Variants in ACOXL observed in about 807,000 individuals in gnomAD.
ACOXL encodes acyl-CoA oxidase like.
A neutral mutation model predicts 71.9 loss-of-function variants in ACOXL; 70 were observed. The observed-to-expected ratio is 0.97, with a 90% CI of 0.80 to 1.19. ACOXL has a LOEUF of 1.19. ACOXL is among the 50% of genes most tolerant of loss of function. The pLI is 0.00. For synonymous variants in ACOXL, 253 were observed against 281.6 expected, an observed-to-expected ratio of 0.90 and a Z score of 1.02; for missense variants, 703 against 736.3, an observed-to-expected ratio of 0.95 and a Z score of 0.52.
At chr2:110,886,748 G>A in intron 10 of ACOXL, 4 of 1,550,594 alleles carry the variant, frequency 2.6e-6, no homozygotes, top group Non-Finnish European at 2.6e-6. Flanking sequence ...AACTGAATTT[G>A]TTGCCATCTC....
intron 12 of ACOXL, among the ~76,000 whole-genome samples, chr2:110,985,116 A>G (rs2062871193): frequency 6.6e-6 from 1 of 152,218 alleles, no homozygotes; most frequent in Non-Finnish European, 1.5e-5. Context: ...ATTAGCAAAA[A>G]CAAAGTTAAA....
chr2:110,886,359 C>A (rs1260468551), intron 10 of ACOXL, among the ~76,000 whole-genome samples: 3 of 149,632 alleles, frequency 2.0e-5, no homozygotes, highest in Non-Finnish European at 4.4e-5. Context: ...GGACTCTGGA[C>A]TTTACCCTAT....
chr2:111,045,438 T>G (rs2065967405), intron 15 of ACOXL, among the ~76,000 whole-genome samples: 1 of 152,112 alleles, frequency 6.6e-6, no homozygotes, highest in Admixed American at 6.6e-5. Context: ...TCTCATGAGA[T>G]CTGATGGTTT....
At chr2:110,977,396 G>GAA (rs11429470) in intron 12 of ACOXL, among the ~76,000 whole-genome samples, 1 of 149,738 alleles carries the variant, frequency 6.7e-6, no homozygotes, top group African/African-American at 2.5e-5. Context: ...AAAAAAAAAA[G>GAA]AAAAAACACA....
At chr2:110,820,556 G>C (rs191219076) in intron 9 of ACOXL, among the ~76,000 whole-genome samples, 1 of 151,952 alleles carries the variant, frequency 6.6e-6, no homozygotes, top group Non-Finnish European at 1.5e-5. Flanking sequence ...AGGAGAGGGA[G>C]TGGGGGTGGG....
intron 10 of ACOXL, among the ~76,000 whole-genome samples, chr2:110,875,092 G>T (rs542382712): frequency 6.6e-6 from 1 of 152,264 alleles, no homozygotes; most frequent in South Asian, 2.1e-4. Flanking sequence ...CCTCTGAGCC[G>T]GTCCCTTGTC....
intron 1 of ACOXL, among the ~76,000 whole-genome samples, chr2:110,754,302 G>A (rs1679388799): frequency 6.6e-6 from 1 of 151,950 alleles, no homozygotes; most frequent in Admixed American, 6.6e-5. Flanking sequence ...GAACTCCCAG[G>A]CTCAAGCAAT....
chr2:110,967,912 A>G, intron 12 of ACOXL: 1 of 1,046,374 alleles, frequency 9.6e-7, no homozygotes, highest in South Asian at 1.3e-5. Context: ...ACAAGAGGGT[A>G]AAACTGGTTA....
At chr2:111,050,171 C>T (rs1257153431) in intron 16 of ACOXL, among the ~76,000 whole-genome samples, 3 of 151,874 alleles carry the variant, frequency 2.0e-5, no homozygotes, top group Non-Finnish European at 4.4e-5. Context: ...TACCAGGTGT[C>T]CTCTGACTTT....
chr2:111,082,877 C>A (rs1237528784), intron 16 of ACOXL, among the ~76,000 whole-genome samples: 1 of 152,146 alleles, frequency 6.6e-6, no homozygotes, highest in Admixed American at 6.5e-5. Flanking sequence ...AGTTAATGAA[C>A]TTTTCAGGGA....
chr2:110,992,623 C>A (rs2063222854), intron 13 of ACOXL, among the ~76,000 whole-genome samples: 1 of 152,190 alleles, frequency 6.6e-6, no homozygotes, highest in Admixed American at 6.5e-5. Context: ...TACTGAAAAG[C>A]CTCCATGGGA....
chr2:110,757,440 G>C (rs1364515834), intron 1 of ACOXL, among the ~76,000 whole-genome samples: 1 of 152,060 alleles, frequency 6.6e-6, no homozygotes, highest in Non-Finnish European at 1.5e-5. Context: ...GGGGTCAATT[G>C]GTATTTCTGC....
intron 1 of ACOXL, among the ~76,000 whole-genome samples, chr2:110,734,751 A>G (rs1676625051): frequency 6.6e-6 from 1 of 151,982 alleles, no homozygotes; most frequent in African/African-American, 2.4e-5. Flanking sequence ...GTAATAACCA[A>G]ACTACTGATT....
chr2:110,996,955 AT>A (rs905131317), intron 14 of ACOXL, among the ~76,000 whole-genome samples: 1 of 152,124 alleles, frequency 6.6e-6, no homozygotes, highest in Non-Finnish European at 1.5e-5. Flanking sequence ...GTGTAAATCA[AT>A]TTTTCCCCCA....
At chr2:110,809,941 C>T (rs1687109049) in intron 9 of ACOXL, among the ~76,000 whole-genome samples, 1 of 152,168 alleles carries the variant, frequency 6.6e-6, no homozygotes, top group Admixed American at 6.5e-5. Flanking sequence ...GCCCCTTCAC[C>T]CAAGCTCTTC....
rs138454301 is a variant in ACOXL at position 110,894,065 on chromosome 2, A to G, written c.789-14724A>G. 2.0e-3 allele frequency among the ~76,000 whole-genome samples: 312 copies of G among 152,272 alleles called. 2 individuals carry two copies. The highest frequency in any genetic ancestry group is 7.3e-3 in the African/African-American group (303 of 41,556). ...CAATTTTCACACTTCTGCCAGGTGA[A>G]CTTTCTAAAAGTCGTATCTAAATAT... On this transcript the variant is annotated intron_variant, in intron 10 of 17. Coordinates refer to ENST00000439055, the MANE Select transcript of ACOXL (RefSeq NM_001142807.4).
intron 12 of ACOXL, among the ~76,000 whole-genome samples, chr2:110,984,618 GTCTT>G (rs2062849513): frequency 6.6e-6 from 1 of 152,170 alleles, no homozygotes; most frequent in African/African-American, 2.4e-5. Context: ...TATCTCCCTT[GTCTT>G]TCTTAAGTTT....
intron 13 of ACOXL, among the ~76,000 whole-genome samples, chr2:110,993,362 T>C (rs560683717): frequency 5.3e-5 from 8 of 152,348 alleles, no homozygotes; most frequent in South Asian, 4.1e-4. Flanking sequence ...TTTTCTATAC[T>C]AGAACTTCAC....
At chr2:110,864,130 C>T (rs949935344) in intron 10 of ACOXL, among the ~76,000 whole-genome samples, 68 of 152,146 alleles carry the variant, frequency 4.5e-4, no homozygotes, top group African/African-American at 1.5e-3. Flanking sequence ...TTTCAGCAGG[C>T]GCCATGAGAG....
Sources: allele counts gnomAD v4.1 joint callset (sites outside exome capture counted in the v4.1 genomes callset), GRCh38; gene constraint gnomAD v4.1.1; transcripts MANE v1.5; gene names NCBI Gene and HGNC (gene_info 2026-07-23, HGNC 2026-07-21).